Variants in IFT80 observed in about 807,000 individuals in gnomAD.
IFT80 encodes the protein intraflagellar transport protein 80 homolog.
Under a neutral mutation model 107.9 loss-of-function variants are expected in IFT80, and 79 were observed. The observed-to-expected ratio is 0.73, with a 90% CI of 0.61 to 0.88. The LOEUF (loss-of-function observed/expected upper bound fraction) is 0.88, where lower values mean the gene tolerates loss of function less well. Ranked by LOEUF, IFT80 falls within the 40% of genes least tolerant of loss-of-function variation. The pLI is 0.00. For synonymous variants in IFT80, 299 were observed against 300.9 expected (o/e 0.99, Z 0.07); for missense variants, 797 against 914.2 (o/e 0.87, Z 1.65).
chr3:160,393,323 GAT>G (rs1713526114), intron 1 of IFT80, among the ~76,000 whole-genome samples: 1 of 152,100 alleles, frequency 6.6e-6, no homozygotes, highest in Non-Finnish European at 1.5e-5. Flanking sequence ...TCCCTGTGTG[GAT>G]ATATGTGTTT....
chr3:160,350,393 GT>G (rs1720592042), intron 8 of IFT80, among the ~76,000 whole-genome samples: 1 of 143,890 alleles, frequency 6.9e-6, no homozygotes, highest in African/African-American at 2.6e-5. Flanking sequence ...TCCAGCCTGG[GT>G]GACAGAGCAA....
chr3:160,319,085 C>T lies in IFT80; in HGVS notation c.957+675G>A, dbSNP rs540468119. Among the ~76,000 whole-genome samples the T allele has an allele frequency of 1.3e-4, 20 of 152,094 alleles. No individual in the cohort carries two copies. In the South Asian group the frequency reaches 3.3e-3, roughly 25 times the overall value. ...ACTGTCTACTCTTCATCAAATGTAG[C>T]GTAAAAGCACACAGCCTTAACTGTT... On this transcript the variant is annotated intron_variant, in intron 9 of 19. Coordinates refer to ENST00000326448, the MANE Select transcript of IFT80 (RefSeq NM_020800.3).
chr3:160,360,524 CAAG>C (rs1721415671), intron 6 of IFT80, among the ~76,000 whole-genome samples: 1 of 152,100 alleles, frequency 6.6e-6, no homozygotes, highest in Non-Finnish European at 1.5e-5. Context: ...AGATACTCCT[CAAG>C]AAGAGCAACC....
intron 15 of IFT80, 25 bp from the exon 16 acceptor site, chr3:160,279,389 A>C: frequency 6.2e-7 from 1 of 1,603,014 alleles, no homozygotes; most frequent in South Asian, 1.1e-5. Flanking sequence ...AGCAAAGTAC[A>C]ATTTAAAGTT....
rs573006757 is a variant in IFT80 at position 160,293,308 on chromosome 3, C to T, written c.1316-7440G>A. 1.2e-4 allele frequency among the ~76,000 whole-genome samples: 18 copies of T among 152,308 alleles called. No individual in the cohort carries two copies. In the South Asian group the frequency reaches 3.5e-3, roughly 30 times the overall value. ...ACTTGAAGACAACTTGGTCACAGAA[C>T]ATGATGATGGACTGGACTAATTATT... is the stretch of plus-strand genomic sequence containing the variant. On this transcript the variant is annotated intron_variant, in intron 12 of 19. Coordinates refer to ENST00000326448, the MANE Select transcript of IFT80 (RefSeq NM_020800.3).
chr3:160,392,467 G>GT (rs1178490289), intron 1 of IFT80, among the ~76,000 whole-genome samples: 1 of 151,956 alleles, frequency 6.6e-6, no homozygotes, highest in Non-Finnish European at 1.5e-5. Flanking sequence ...AATCAAAACC[G>GT]TGATTTTCCC....
chr3:160,321,320 A>G (rs1718195735), intron 8 of IFT80, among the ~76,000 whole-genome samples: 1 of 152,012 alleles, frequency 6.6e-6, no homozygotes, highest in Non-Finnish European at 1.5e-5. Context: ...ACTATTTTAC[A>G]TAAAGATTAA....
chr3:160,280,925 A>G, intron 14 of IFT80, 111 bp from the exon 15 acceptor site: 1 of 913,940 alleles, frequency 1.1e-6, no homozygotes, highest in Non-Finnish European at 1.7e-6. Flanking sequence ...GGTAGATATG[A>G]CTCTACTTTC....
intron 19 of IFT80, 152 bp downstream of exon 19, chr3:160,268,261 C>T (rs1340050050): frequency 1.5e-6 from 1 of 659,220 alleles, no homozygotes; most frequent in Non-Finnish European, 2.6e-6. Flanking sequence ...ACTATAATTA[C>T]AGTCAAAATA....
At chr3:160,360,481 A>G (rs1379025945) in intron 6 of IFT80, among the ~76,000 whole-genome samples, 3 of 152,210 alleles carry the variant, frequency 2.0e-5, no homozygotes, top group South Asian at 4.1e-4. Context: ...GCAGGCCAAC[A>G]TTAAAATTCA....
intron 8 of IFT80, among the ~76,000 whole-genome samples, chr3:160,332,831 C>T (rs1249341116): frequency 3.3e-5 from 5 of 152,176 alleles, no homozygotes; most frequent in African/African-American, 1.2e-4. Context: ...AAAGAAGTAT[C>T]TTCTCATTAC....
At chr3:160,282,642 GGTTA>G (rs1714775273) in intron 13 of IFT80, 29 bp from the exon 14 acceptor site, 3 of 1,391,754 alleles carry the variant, frequency 2.2e-6, no homozygotes, top group Middle Eastern at 2.0e-4. Context: ...GTAAATACTG[GGTTA>G]GTTTTAGTGT....
chr3:160,384,463 A>G (rs1559973175), intron 2 of IFT80, 101 bp downstream of exon 2: 19 of 1,378,744 alleles, frequency 1.4e-5, no homozygotes, highest in Non-Finnish European at 1.7e-5. Flanking sequence ...AAAGGAATGA[A>G]AAAAAAAATC....
chr3:160,398,630 A>C (rs981145904), intron 1 of IFT80, among the ~76,000 whole-genome samples: 1 of 152,102 alleles, frequency 6.6e-6, no homozygotes, highest in South Asian at 2.1e-4. Flanking sequence ...ATCACCTACC[A>C]CCAGATCCAC....
At chr3:160,272,131 C>CA (rs1713856621) in intron 18 of IFT80, among the ~76,000 whole-genome samples, 2 of 151,698 alleles carry the variant, frequency 1.3e-5, no homozygotes, top group Non-Finnish European at 2.9e-5. Flanking sequence ...CAAGAAAACA[C>CA]AAAAAAGAAT....
intron 8 of IFT80, among the ~76,000 whole-genome samples, chr3:160,354,966 T>C (rs1027379995): frequency 3.3e-5 from 5 of 152,242 alleles, no homozygotes; most frequent in African/African-American, 1.2e-4. Context: ...TTCTGTCTTA[T>C]TCTGCATTAG....
intron 6 of IFT80, among the ~76,000 whole-genome samples, chr3:160,362,363 T>A (rs573279734): frequency 4.0e-4 from 61 of 152,282 alleles, no homozygotes; most frequent in African/African-American, 1.1e-3. Flanking sequence ...GCTCTGAAAT[T>A]GAGGCAATAA....
chr3:160,356,406 T>C (rs930394480), intron 7 of IFT80, among the ~76,000 whole-genome samples: 2 of 152,238 alleles, frequency 1.3e-5, no homozygotes, highest in African/African-American at 4.8e-5. Flanking sequence ...AGAAACTATT[T>C]TATAACACTG....
chr3:160,319,861 C>T lies in IFT80; in HGVS notation c.856G>A (p.Gly286Arg). The T allele has an allele frequency of 6.2e-7, 1 of 1,612,858 alleles. No individual in the cohort carries two copies. The part of the protein sequence containing the change: ...AWSIDGTQIA[G>R]ACGNGHVVFA... ...ACGACATGTCCATTTCCACAGGCTC[C>T]AGCAATCTGAGTGCCATCGATAGAC... The change falls in exon 9 of 20, where the codon GGA (glycine) becomes AGA (arginine). Residue 286 changes from glycine (G) to arginine (R), a missense_variant. Coordinates refer to ENST00000326448, the MANE Select transcript of IFT80 (RefSeq NM_020800.3).
Sources: allele counts gnomAD v4.1 joint callset (sites outside exome capture counted in the v4.1 genomes callset), GRCh38; gene constraint gnomAD v4.1.1; transcripts MANE v1.5; gene names NCBI Gene and HGNC (gene_info 2026-07-23, HGNC 2026-07-21).